Variants in ADGB observed in about 807,000 individuals in gnomAD.
ADGB encodes the protein calpain-7-like protein.
A neutral mutation model predicts 210.5 loss-of-function variants in ADGB; 172 were observed. The ratio of observed to expected loss-of-function variants is 0.82; its 90% CI spans 0.72 to 0.93. The LOEUF (loss-of-function observed/expected upper bound fraction) is 0.93. ADGB is among the 40% of genes least tolerant of loss of function. The pLI, the probability that ADGB is intolerant of heterozygous loss-of-function variation, is 0.00. For synonymous variants in ADGB, 658 were observed against 662.7 expected (o/e 0.99, Z 0.11); for missense variants, 2,025 against 1,964.8 (o/e 1.03, Z -0.58).
intron 2 of ADGB, among the ~76,000 whole-genome samples, chr6:146,636,282 G>A (rs1377179176): frequency 2.0e-5 from 3 of 151,900 alleles, no homozygotes; most frequent in Non-Finnish European, 2.9e-5. Flanking sequence ...GGGTTTAGTT[G>A]AACTTTACAT....
rs60684925 is a variant in ADGB, at chr6:146,631,963, TAA to T, written c.75-3398_75-3397del. Among the ~76,000 whole-genome samples the T allele has an allele frequency of 2.4e-4, 34 of 143,088 alleles. No individual in the cohort carries two copies. In the East Asian group the frequency reaches 2.5e-3, roughly 10 times the overall value. 93.9% of individuals were successfully genotyped at this position (143,088 alleles called of 152,430 possible). On this transcript the variant is annotated intron_variant, in intron 1 of 35. Transcript: ENST00000397944. The stretch of plus-strand genomic sequence containing the variant: ...TTAGGTCTCCTGCTCATCTCCTCAT[TAA>T]AAAAAAAAAAAAACAAAAAAAACCT...
At chr6:146,621,613 T>A (rs1048615086) in intron 1 of ADGB, among the ~76,000 whole-genome samples, 1 of 152,172 alleles carries the variant, frequency 6.6e-6, no homozygotes, top group Non-Finnish European at 1.5e-5. Context: ...CCTAATGGGT[T>A]TCTCTACTTT....
At chr6:146,812,563 G>A (rs943561834) in intron 35 of ADGB, among the ~76,000 whole-genome samples, 3 of 152,182 alleles carry the variant, frequency 2.0e-5, no homozygotes, top group Non-Finnish European at 4.4e-5. Context: ...CAGATAAGGT[G>A]AACATTCCAA....
intron 9 of ADGB, among the ~76,000 whole-genome samples, chr6:146,677,105 G>C (rs1275697874): frequency 2.0e-5 from 3 of 152,044 alleles, no homozygotes; most frequent in Admixed American, 2.0e-4. Context: ...TATTTCTAAA[G>C]ACCCCTTGGC....
chr6:146,682,671 T>G (rs1776173582), intron 9 of ADGB, among the ~76,000 whole-genome samples: 1 of 152,118 alleles, frequency 6.6e-6, no homozygotes, highest in Non-Finnish European at 1.5e-5. Context: ...TTTAAGATAT[T>G]CTAAAAGCAG....
chr6:146,609,609 T>C (rs1024577966), intron 1 of ADGB, among the ~76,000 whole-genome samples: 6 of 152,198 alleles, frequency 3.9e-5, no homozygotes, highest in Admixed American at 3.9e-4. Flanking sequence ...TATTTAGCAC[T>C]CCCTTAAGGA....
chr6:146,796,696 C>A (rs1778048307), intron 33 of ADGB, among the ~76,000 whole-genome samples: 1 of 152,148 alleles, frequency 6.6e-6, no homozygotes, highest in African/African-American at 2.4e-5. Flanking sequence ...CATCTCTCAT[C>A]TTATACAAAA....
intron 10 of ADGB, among the ~76,000 whole-genome samples, chr6:146,687,478 G>T (rs1464565460): frequency 1.3e-5 from 2 of 152,088 alleles, no homozygotes; most frequent in African/African-American, 4.8e-5. Flanking sequence ...AAAGGAATGA[G>T]ATCATGTCCT....
chr6:146,713,480 C>T (rs997443192), intron 13 of ADGB, among the ~76,000 whole-genome samples: 2 of 152,120 alleles, frequency 1.3e-5, no homozygotes, highest in African/African-American at 2.4e-5. Flanking sequence ...GTTTGTATTC[C>T]TCTAGTGATT....
chr6:146,804,832 AGTG>A (rs1273653477), intron 35 of ADGB, among the ~76,000 whole-genome samples: 2 of 152,098 alleles, frequency 1.3e-5, no homozygotes, highest in African/African-American at 4.8e-5. Context: ...GGCCTAACAT[AGTG>A]TTTGGCAGAC....
At chr6:146,668,628 T>G (rs934987562) in intron 7 of ADGB, among the ~76,000 whole-genome samples, 3 of 152,076 alleles carry the variant, frequency 2.0e-5, no homozygotes, top group Non-Finnish European at 4.4e-5. Context: ...ATTTTTATAC[T>G]TAGTGTTGAT....
chr6:146,810,914 A>C (rs1411330305), intron 35 of ADGB, among the ~76,000 whole-genome samples: 1 of 152,156 alleles, frequency 6.6e-6, no homozygotes. Context: ...GTAGTAATTA[A>C]ATTGATTATA....
chr6:146,624,406 G>A (rs773361170), intron 1 of ADGB, among the ~76,000 whole-genome samples: 42 of 151,810 alleles, frequency 2.8e-4, no homozygotes, highest in Non-Finnish European at 4.7e-4. Context: ...ATATCTGTGG[G>A]ATCTGTAGTG....
chr6:146,783,092 A>G (rs1000167988), intron 30 of ADGB, among the ~76,000 whole-genome samples: 1 of 152,170 alleles, frequency 6.6e-6, no homozygotes, highest in Non-Finnish European at 1.5e-5. Context: ...TCTAAGCAAA[A>G]GAGTGCAAAG....
At chr6:146,709,055 GTTTAA>G (rs1776620043) in intron 13 of ADGB, among the ~76,000 whole-genome samples, 2 of 151,948 alleles carry the variant, frequency 1.3e-5, no homozygotes, top group African/African-American at 4.8e-5. Context: ...TAGAATTTCT[GTTTAA>G]TTTATTAAAA....
intron 7 of ADGB, among the ~76,000 whole-genome samples, chr6:146,670,156 G>C (rs1459790808): frequency 6.6e-6 from 1 of 152,094 alleles, no homozygotes; most frequent in Non-Finnish European, 1.5e-5. Context: ...GTCTCCTAGA[G>C]TCTATTTTAC....
intron 3 of ADGB, among the ~76,000 whole-genome samples, chr6:146,649,944 A>T (rs189048008): frequency 3.9e-5 from 6 of 152,314 alleles, no homozygotes; most frequent in African/African-American, 1.4e-4. Context: ...ACATACATAT[A>T]CCTAAACATA....
intron 13 of ADGB, among the ~76,000 whole-genome samples, chr6:146,706,936 CT>C (rs1562279445): frequency 7.7e-6 from 1 of 130,258 alleles, no homozygotes; most frequent in African/African-American, 3.0e-5. Flanking sequence ...AGTTTGCTTT[CT>C]TTTTTTCTAG....
At chr6:146,781,829 T>A (rs1357538117) in intron 29 of ADGB, among the ~76,000 whole-genome samples, 191 bp from the exon 30 acceptor site, 2 of 152,086 alleles carry the variant, frequency 1.3e-5, no homozygotes, top group Non-Finnish European at 2.9e-5. Context: ...CAATGGTGAG[T>A]GTTTGGTATA....
Sources: gnomAD v4.1 joint callset for allele counts (sites outside exome capture counted in the v4.1 genomes callset) on GRCh38, gnomAD v4.1.1 for gene constraint, MANE v1.5 for transcripts, NCBI Gene and HGNC (gene_info 2026-07-23, HGNC 2026-07-21) for gene names.